Variants in POU2F1 observed in about 807,000 individuals in gnomAD.
POU2F1 encodes the protein POU class 2 homeobox 1, also known as POU domain, class 2, transcription factor 1.
A neutral mutation model predicts 84.9 loss-of-function variants in POU2F1; 16 were observed. That is an observed-to-expected ratio of 0.19 (90% confidence interval 0.13 to 0.29). The LOEUF (loss-of-function observed/expected upper bound fraction) is 0.29, where lower values mean the gene tolerates loss of function less well. Among genes scored for constraint, POU2F1 ranks in the 10% least tolerant of loss-of-function variants. The pLI, the probability that POU2F1 is intolerant of heterozygous loss-of-function variation, is 1.00. For missense variants in POU2F1, 738 were observed against 942.6 expected (o/e 0.78, Z 2.84); for synonymous variants, 368 against 368.3 (o/e 1.00, Z 0.01).
At chr1:167,237,039 G>C (rs1029897360) in intron 1 of POU2F1, among the ~76,000 whole-genome samples, 4 of 152,126 alleles carry the variant, frequency 2.6e-5, no homozygotes, top group Non-Finnish European at 5.9e-5. Context: ...AGCAAGCTTG[G>C]AGTTCTCTGG....
intron 12 of POU2F1, among the ~76,000 whole-genome samples, chr1:167,400,974 A>C (rs1649162658): frequency 6.6e-6 from 1 of 152,340 alleles, no homozygotes; most frequent in African/African-American, 2.4e-5. Context: ...GATTTGTACT[A>C]AAAGAAAGAC....
chr1:167,334,650 A>C (rs1353634065), intron 2 of POU2F1, among the ~76,000 whole-genome samples: 1 of 152,186 alleles, frequency 6.6e-6, no homozygotes, highest in Non-Finnish European at 1.5e-5. Context: ...CCTCGTTTTA[A>C]TATAGAATGT....
Position 167,394,580 on chromosome 1 carries a change from G to A in POU2F1, c.988-1706G>A, listed in dbSNP as rs577619959. Among the ~76,000 whole-genome samples, 24 of 152,284 alleles carry A rather than the reference G, an allele frequency of 1.6e-4. No homozygotes were observed. In the South Asian group the frequency reaches 5.0e-3, roughly 32 times the overall value. Reference sequence around the variant, plus strand: ...TGGACATGGGATGTCCAATACAATAGCCACTGTCTACTTATGGCTATTGAG... The same window carrying A: ...TGGACATGGGATGTCCAATACAATAACCACTGTCTACTTATGGCTATTGAG... On this transcript the variant is annotated intron_variant, in intron 9 of 15. Transcript: ENST00000367866.
chr1:167,255,309 G>C (rs372900862), intron 1 of POU2F1, among the ~76,000 whole-genome samples: 22 of 152,280 alleles, frequency 1.4e-4, no homozygotes, highest in African/African-American at 5.1e-4. Flanking sequence ...GCTGAATCTT[G>C]TTCTCCTAAG....
At chr1:167,400,594 T>C (rs1337965429) in intron 12 of POU2F1, among the ~76,000 whole-genome samples, 1 of 152,250 alleles carries the variant, frequency 6.6e-6, no homozygotes, top group Non-Finnish European at 1.5e-5. Flanking sequence ...GATCCTTTCC[T>C]GTGAAGCCTC....
At chr1:167,261,893 C>T (rs954218443) in intron 1 of POU2F1, among the ~76,000 whole-genome samples, 2 of 152,290 alleles carry the variant, frequency 1.3e-5, no homozygotes, top group African/African-American at 4.8e-5. Flanking sequence ...CCATGTTGCC[C>T]AGGCCAGTCT....
At chr1:167,335,240 A>G (rs17344607) in intron 2 of POU2F1, among the ~76,000 whole-genome samples, 4,817 of 152,298 alleles carry the variant, frequency 0.032, 107 homozygotes, top group Middle Eastern at 0.058. Context: ...GTCTTTAAGG[A>G]GTTAACAATT....
intron 1 of POU2F1, among the ~76,000 whole-genome samples, chr1:167,300,855 C>T (rs1488791072): frequency 6.6e-6 from 1 of 152,168 alleles, no homozygotes; most frequent in Admixed American, 6.5e-5. Flanking sequence ...ACTGCAACCT[C>T]CAACCCCCTG....
At chr1:167,314,430 T>A (rs564371076) in intron 1 of POU2F1, among the ~76,000 whole-genome samples, 1 of 152,180 alleles carries the variant, frequency 6.6e-6, no homozygotes, top group Non-Finnish European at 1.5e-5. Context: ...TCACATTGTT[T>A]GTGGGAATGT....
At position 167,310,672 on chromosome 1, in the gene POU2F1, CAG is replaced by C. The variant is rs1373054052; in HGVS notation, c.62-21794_62-21793del. Among the ~76,000 whole-genome samples the C allele has an allele frequency of 2.0e-5, 3 of 152,078 alleles. No homozygotes were observed. In the East Asian group the frequency reaches 5.8e-4, roughly 29 times the overall value. On this transcript the variant is annotated intron_variant, in intron 1 of 15. Transcript: ENST00000367866. Reference sequence around the variant, plus strand: ...TCAATAGACATAATTACCACGATGACAGAGATGTTAGGATTATCTGACAAGGA... The same window carrying C: ...TCAATAGACATAATTACCACGATGACAGATGTTAGGATTATCTGACAAGGA...
intron 14 of POU2F1, among the ~76,000 whole-genome samples, chr1:167,412,738 C>G (rs1467930321): frequency 6.6e-6 from 1 of 152,074 alleles, no homozygotes; most frequent in Non-Finnish European, 1.5e-5. Context: ...ATCTTTTTCT[C>G]TAGAATGTTT....
chr1:167,326,608 T>G (rs182030810), intron 1 of POU2F1, among the ~76,000 whole-genome samples: 2 of 152,024 alleles, frequency 1.3e-5, no homozygotes, highest in Non-Finnish European at 1.5e-5. Flanking sequence ...CAATGTGAGC[T>G]TTTTTTTCTG....
intron 2 of POU2F1, chr1:167,357,626 G>A (rs1022858728): frequency 6.6e-6 from 1 of 151,588 alleles, no homozygotes; most frequent in Non-Finnish European, 1.5e-5. Context: ...TAATCCACCT[G>A]CCTCAGCCTC....
chr1:167,408,519 T>C (rs945573826), intron 13 of POU2F1, among the ~76,000 whole-genome samples: 1 of 152,222 alleles, frequency 6.6e-6, no homozygotes, highest in African/African-American at 2.4e-5. Context: ...TGGAATATTA[T>C]TCAGCCATAA....
intron 1 of POU2F1, among the ~76,000 whole-genome samples, chr1:167,239,251 A>G (rs1649729133): frequency 6.6e-6 from 1 of 152,230 alleles, no homozygotes; most frequent in African/African-American, 2.4e-5. Context: ...ACTAGATTAA[A>G]TAGTCTACTT....
chr1:167,252,228 T>C (rs537526516), intron 1 of POU2F1, among the ~76,000 whole-genome samples: 3 of 152,280 alleles, frequency 2.0e-5, no homozygotes, highest in South Asian at 2.1e-4. Context: ...GTTTTCCCCA[T>C]GTTTTAAAAT....
At chr1:167,240,918 G>A (rs905193932) in intron 1 of POU2F1, among the ~76,000 whole-genome samples, 2 of 152,112 alleles carry the variant, frequency 1.3e-5, no homozygotes, top group Admixed American at 6.6e-5. Flanking sequence ...CTAGGTGGGC[G>A]GATTACCTGA....
intron 1 of POU2F1, among the ~76,000 whole-genome samples, chr1:167,222,208 T>A (rs935817282): frequency 6.6e-6 from 1 of 152,172 alleles, no homozygotes; most frequent in Non-Finnish European, 1.5e-5. Context: ...TCCTCTCTCC[T>A]GTTGGGAGTC....
At chr1:167,302,062 T>A (rs923434384) in intron 1 of POU2F1, among the ~76,000 whole-genome samples, 2 of 151,958 alleles carry the variant, frequency 1.3e-5, no homozygotes, top group African/African-American at 4.8e-5. Flanking sequence ...CAAAAACAAC[T>A]CCTTTTATTT....
Sources: gnomAD v4.1 joint callset for allele counts (sites outside exome capture counted in the v4.1 genomes callset) on GRCh38, gnomAD v4.1.1 for gene constraint, MANE v1.5 for transcripts, NCBI Gene and HGNC (gene_info 2026-07-23, HGNC 2026-07-21) for gene names.